Variants in KIF15 observed in about 807,000 individuals in gnomAD.
The protein encoded by KIF15 is kinesin-like protein KIF15.
A neutral mutation model predicts 190.6 loss-of-function variants in KIF15; 140 were observed. The ratio of observed to expected loss-of-function variants is 0.73; its 90% CI spans 0.64 to 0.84. KIF15 has a LOEUF of 0.84. KIF15 is among the 40% of genes least tolerant of loss of function. The probability of loss-of-function intolerance (pLI) is 0.00; values close to 1 mark genes in which losing one functional copy is unlikely to be tolerated. For missense variants in KIF15, 1,372 were observed against 1,584.4 expected, an observed-to-expected ratio of 0.87 and a Z score of 2.28; for synonymous variants, 528 against 551.3, an observed-to-expected ratio of 0.96 and a Z score of 0.59.
Position 44,852,930 on chromosome 3 carries a change from TCTG to T in KIF15, c.*198_*200del. On this transcript the variant is annotated 3_prime_UTR_variant, in exon 35 of 35. Coordinates refer to ENST00000326047, the MANE Select transcript of KIF15 (RefSeq NM_020242.3). ...ATATACACCCTGTGACAGTCAGCAG[TCTG>T]CTATTAAGTGGCCTACTTCAAGGCT... The T allele has an allele frequency of 2.3e-6, 1 of 435,110 alleles. No individual in the cohort carries two copies. Among genetic ancestry groups the T allele is most frequent in the Non-Finnish European group, 4.0e-6 (1 of 250,158 alleles). The allele number at this position is 435,110 out of a possible 1,614,324, so 27.0% of individuals were successfully genotyped here. A position where few individuals can be genotyped will look rare whatever the true frequency, so the allele number is the denominator to read the frequency against.
intron 9 of KIF15, 47 bp downstream of exon 9, chr3:44,797,723 G>A (rs1477531060): frequency 1.9e-6 from 3 of 1,607,902 alleles, no homozygotes; most frequent in South Asian, 2.2e-5. Context: ...TTATGCTAAA[G>A]TTGATAGTGG....
chr3:44,801,482 C>G lies in KIF15; in HGVS notation c.1255C>G (p.Gln419Glu), dbSNP rs148825315. 1.5e-5 allele frequency: 24 copies of G among 1,575,332 alleles called. No individual in the cohort carries two copies. The highest frequency in any genetic ancestry group is 2.1e-5 in the Non-Finnish European group (24 of 1,145,928). The change falls in exon 12 of 35, where the codon CAG (glutamine) becomes GAG (glutamate). Residue 419 changes from glutamine (Q) to glutamate (E), a missense_variant. By Grantham distance (29) the Gln-to-Glu change is conservative. Transcript: ENST00000326047. Reference sequence around the variant, plus strand: ...GAAGACTAACTATATGGAGTATTTCCAGGAAGCAATGTTATTCTTTAAGAA... The same window carrying G: ...GAAGACTAACTATATGGAGTATTTCGAGGAAGCAATGTTATTCTTTAAGAA... Reference protein sequence around the residue: ...KKKTNYMEYFQEAMLFFKKSE... With the variant: ...KKKTNYMEYFEEAMLFFKKSE...
intron 18 of KIF15, 122 bp from the exon 19 acceptor site, chr3:44,812,953 C>A: frequency 1.8e-6 from 1 of 569,684 alleles, no homozygotes; most frequent in Non-Finnish European, 3.0e-6. Flanking sequence ...TCACTGCACT[C>A]CAGCCTGGGT....
At chr3:44,789,091 C>T (rs1042680847) in intron 7 of KIF15, among the ~76,000 whole-genome samples, 12 of 152,058 alleles carry the variant, frequency 7.9e-5, no homozygotes, top group Admixed American at 6.6e-4. Flanking sequence ...TGGACTTGCT[C>T]TTTAATATTT....
At position 44,828,224 on chromosome 3, in the gene KIF15, T is replaced by C; in HGVS notation, c.2867T>C (p.Val956Ala). The C allele has an allele frequency of 1.9e-6, 3 of 1,612,772 alleles. No homozygotes were observed. In the South Asian group the frequency reaches 3.3e-5, roughly 18 times the overall value. Reference sequence around the variant, plus strand: ...TCTTTTTCACCATAGATGGCAAAAGTACAGAAACTAGAAGAGAGCTTGCTT... The same window carrying C: ...TCTTTTTCACCATAGATGGCAAAAGCACAGAAACTAGAAGAGAGCTTGCTT... Reference protein sequence around the residue: ...TAKCEQQMAKVQKLEESLLAT... With the variant: ...TAKCEQQMAKAQKLEESLLAT... Residue 956 changes from valine to alanine, a missense_variant, in exon 24 of 35, where the codon GTA (valine) becomes GCA (alanine). Val to Ala is a moderately conservative substitution (Grantham distance 64). Coordinates refer to ENST00000326047, the MANE Select transcript of KIF15 (RefSeq NM_020242.3).
intron 1 of KIF15, among the ~76,000 whole-genome samples, chr3:44,767,069 C>T (rs1172074416): frequency 6.6e-6 from 1 of 152,148 alleles, no homozygotes; most frequent in Non-Finnish European, 1.5e-5. Context: ...TTCGGCCTCC[C>T]AAAGTACTGG....
chr3:44,797,944 G>A lies in KIF15; in HGVS notation c.1086G>A (p.Leu362=), dbSNP rs569641287. 7.4e-6 allele frequency: 12 copies of A among 1,610,744 alleles called. No homozygotes were observed. The highest frequency in any genetic ancestry group is 1.3e-5 in the African/African-American group (1 of 74,902). ...STLNFAQRAK[L]IKNKAVVNED... ...TTAACTTTGCTCAAAGAGCCAAGCT[G>A]ATTAAAAACAAGGTAAAATACTGGC... is the stretch of plus-strand genomic sequence containing the variant. Residue 362 remains leucine, a synonymous_variant, in exon 10 of 35, where the codon CTG becomes CTA. Transcript: ENST00000326047.
chr3:44,832,650 T>C (rs1395714860), intron 26 of KIF15, among the ~76,000 whole-genome samples: 1 of 152,168 alleles, frequency 6.6e-6, no homozygotes, highest in Non-Finnish European at 1.5e-5. Context: ...AGATGGCTAT[T>C]CCCAGTAATT....
intron 26 of KIF15, among the ~76,000 whole-genome samples, chr3:44,831,845 T>C (rs1019468696): frequency 6.6e-6 from 1 of 152,194 alleles, no homozygotes; most frequent in Non-Finnish European, 1.5e-5. Context: ...CTTACTTTTT[T>C]CCCCACACAG....
chr3:44,845,339 C>G (rs1487292107), intron 30 of KIF15, among the ~76,000 whole-genome samples: 1 of 151,960 alleles, frequency 6.6e-6, no homozygotes, highest in African/African-American at 2.4e-5. Flanking sequence ...TTGGAGGCAG[C>G]TGTATTGGTG....
In KIF15 at chr3:44,815,033, T is replaced by A; in HGVS notation, c.2506T>A (p.Ser836Thr). The A allele has an allele frequency of 6.2e-7, 1 of 1,611,334 alleles. No individual in the cohort carries two copies. Among genetic ancestry groups the A allele is most frequent in the South Asian group, 1.1e-5 (1 of 90,330 alleles). ...TCAGGAGAAAGAATTCAACAAACTT[T>A]CCGAAAGACACATGCATGTACAGCT... ...TNQEKEFNKLSERHMHVQLQL... is the reference protein window; with the variant it reads ...TNQEKEFNKLTERHMHVQLQL... Residue 836 changes from serine to threonine, a missense_variant, in exon 20 of 35, where the codon TCC (serine) becomes ACC (threonine). Physicochemically the swap from Ser to Thr is moderately conservative, Grantham distance 58. Coordinates refer to ENST00000326047, the MANE Select transcript of KIF15 (RefSeq NM_020242.3).
intron 29 of KIF15, among the ~76,000 whole-genome samples, chr3:44,841,575 T>C (rs987015899): frequency 1.3e-5 from 2 of 151,980 alleles, no homozygotes; most frequent in African/African-American, 4.8e-5. Context: ...TTTTTTGTAT[T>C]TTCTAGTAGA....
At chr3:44,767,808 T>C (rs1239079548) in intron 1 of KIF15, among the ~76,000 whole-genome samples, 2 of 141,580 alleles carry the variant, frequency 1.4e-5, no homozygotes, top group Non-Finnish European at 3.0e-5. Flanking sequence ...GGCAGGAGAA[T>C]GGCATGAGCC....
At chr3:44,800,271 C>A in intron 10 of KIF15, 43 bp from the exon 11 acceptor site, 1 of 1,592,420 alleles carries the variant, frequency 6.3e-7, no homozygotes, top group Non-Finnish European at 8.6e-7. Flanking sequence ...CTATACTACT[C>A]AAAAAGCATT....
chr3:44,862,196 G>T (rs1298887220), intron 6 of KIF15: 17 of 889,450 alleles, frequency 1.9e-5, no homozygotes, highest in Middle Eastern at 1.0e-3. Flanking sequence ...GGCGCTGCGG[G>T]GCCCGCGGGG....
intron 16 of KIF15, among the ~76,000 whole-genome samples, chr3:44,808,786 A>C (rs1401885923): frequency 6.6e-6 from 1 of 152,134 alleles, no homozygotes; most frequent in Non-Finnish European, 1.5e-5. Flanking sequence ...GCCTCATACC[A>C]GTTAATGTGG....
intron 1 of KIF15, among the ~76,000 whole-genome samples, chr3:44,769,330 C>T (rs1348484726): frequency 2.0e-5 from 3 of 152,190 alleles, no homozygotes; most frequent in Non-Finnish European, 4.4e-5. Flanking sequence ...GTTCCTTTCT[C>T]TTCCTAGTGA....
downstream of KIF15, among the ~76,000 whole-genome samples, chr3:44,855,246 G>T (rs1334738902): frequency 1.3e-5 from 2 of 152,156 alleles, no homozygotes; most frequent in African/African-American, 4.8e-5. Context: ...AGGGTGGGGA[G>T]AATTACAAAG....
Position 44,811,054 on chromosome 3 carries a change from G to T in KIF15, c.2169+11G>T, listed in dbSNP as rs771947788. ...CTTAGAACAGTGCAGGTAATGTTTTGTTCTAGAAAAAATAAATAACTGGAC... is the reference window on the plus strand; with the variant it reads ...CTTAGAACAGTGCAGGTAATGTTTTTTTCTAGAAAAAATAAATAACTGGAC... On this transcript the variant is annotated intron_variant, in intron 17 of 34. Transcript: ENST00000326047. 8.3e-6 allele frequency: 13 copies of T among 1,565,852 alleles called. No homozygotes were observed. The highest frequency in any genetic ancestry group is 1.2e-5 in the South Asian group (1 of 83,934).
Sources: allele counts gnomAD v4.1 joint callset (sites outside exome capture counted in the v4.1 genomes callset), GRCh38; gene constraint gnomAD v4.1.1; transcripts MANE v1.5; gene names NCBI Gene and HGNC (gene_info 2026-07-23, HGNC 2026-07-21).